Variants in ROBO2 observed in about 807,000 individuals in gnomAD.
ROBO2 encodes the protein roundabout guidance receptor 2.
Under a neutral mutation model 160.8 loss-of-function variants are expected in ROBO2, and 53 were observed. The ratio of observed to expected loss-of-function variants is 0.33; its 90% confidence interval spans 0.26 to 0.41. The LOEUF is 0.41. ROBO2 is among the 10% of genes least tolerant of loss of function. The pLI, the probability that ROBO2 is intolerant of heterozygous loss-of-function variation, is 1.00. For missense variants in ROBO2, 1,577 were observed against 1,722.4 expected, an observed-to-expected ratio of 0.92 and a Z score of 1.49; for synonymous variants, 664 against 611.7, an observed-to-expected ratio of 1.09 and a Z score of -1.26.
intron 5 of ROBO2, among the ~76,000 whole-genome samples, chr3:77,519,199 TAATTA>T (rs1301330115): frequency 6.6e-6 from 1 of 151,418 alleles, no homozygotes; most frequent in Non-Finnish European, 1.5e-5. Flanking sequence ...AACGTACCAT[TAATTA>T]AAAAACAAAC....
chr3:76,114,550 G>T (rs1020607564), intron 2 of ROBO2, among the ~76,000 whole-genome samples: 5 of 151,790 alleles, frequency 3.3e-5, no homozygotes, highest in Non-Finnish European at 7.4e-5. Flanking sequence ...TTTACAGAAG[G>T]CCCTGATATA....
At chr3:75,952,744 A>G (rs746592551) in intron 2 of ROBO2, among the ~76,000 whole-genome samples, 9 of 151,982 alleles carry the variant, frequency 5.9e-5, no homozygotes, top group East Asian at 1.9e-4. Flanking sequence ...AGTGTCATAC[A>G]GAATAGTGGA....
At chr3:76,713,806 A>G (rs1329458824) in intron 2 of ROBO2, among the ~76,000 whole-genome samples, 1 of 152,148 alleles carries the variant, frequency 6.6e-6, no homozygotes, top group African/African-American at 2.4e-5. Flanking sequence ...GTTCTCAGTC[A>G]TAACTATGAA....
intron 2 of ROBO2, among the ~76,000 whole-genome samples, chr3:76,609,184 G>T (rs1037664175): frequency 6.6e-6 from 1 of 152,086 alleles, no homozygotes; most frequent in African/African-American, 2.4e-5. Context: ...GTGTGGAGTT[G>T]TTTCTGGGTT....
intron 2 of ROBO2, among the ~76,000 whole-genome samples, chr3:76,644,494 A>G (rs2090871280): frequency 1.3e-5 from 2 of 152,044 alleles, no homozygotes; most frequent in African/African-American, 2.4e-5. Flanking sequence ...CTTGCCCTCC[A>G]TATATTATAA....
At chr3:77,292,987 G>C (rs1560456835) in intron 2 of ROBO2, among the ~76,000 whole-genome samples, 3 of 151,072 alleles carry the variant, frequency 2.0e-5, no homozygotes, top group Non-Finnish European at 1.5e-5. Context: ...AAGTAAAATT[G>C]ACGGTTAAAC....
At chr3:77,637,788 A>G (rs1330223991) in intron 24 of ROBO2, among the ~76,000 whole-genome samples, 1 of 152,248 alleles carries the variant, frequency 6.6e-6, no homozygotes, top group East Asian at 1.9e-4. Flanking sequence ...GATATAAAAT[A>G]TAAATCAACA....
At chr3:76,440,905 G>T (rs987328252) in intron 2 of ROBO2, among the ~76,000 whole-genome samples, 3 of 152,044 alleles carry the variant, frequency 2.0e-5, no homozygotes, top group African/African-American at 7.2e-5. Flanking sequence ...GTGGCATGTG[G>T]CATGTGGCAA....
chr3:77,113,870 T>A (rs1293018607), intron 2 of ROBO2, among the ~76,000 whole-genome samples: 1 of 152,184 alleles, frequency 6.6e-6, no homozygotes, highest in African/African-American at 2.4e-5. Context: ...TTTAGATGAA[T>A]CAGGTCATGA....
intron 7 of ROBO2, 144 bp downstream of exon 8, chr3:77,546,606 G>A: frequency 9.4e-7 from 1 of 1,058,636 alleles, no homozygotes; most frequent in Non-Finnish European, 1.4e-6. Flanking sequence ...GTAAAAATAA[G>A]TAGGAGTCAG....
In ROBO2 at chr3:76,882,903, T is replaced by C. The variant is rs561944816; in HGVS notation, c.110-215111T>C. ...GTGAATAACTCTTAAACATGACATT[T>C]CAAATGGTTTTGGATTCAGTCTCCA... On this transcript the variant is annotated intron_variant, in intron 2 of 26. Transcript: ENST00000487694. Among the ~76,000 whole-genome samples, 24 of 152,340 alleles carry C rather than the reference T, an allele frequency of 1.6e-4. 1 individual carries two copies. The highest frequency in any genetic ancestry group is 1.0e-3 in the South Asian group (5 of 4,832).
chr3:76,763,189 T>C (rs912219927), intron 2 of ROBO2, among the ~76,000 whole-genome samples: 17 of 4,224 alleles, frequency 4.0e-3, no homozygotes, highest in African/African-American at 0.014. Context: ...GGTTTTGTCA[T>C]ATACCTGTTG....
chr3:76,752,171 T>C (rs1305690278), intron 2 of ROBO2, among the ~76,000 whole-genome samples: 1 of 151,150 alleles, frequency 6.6e-6, no homozygotes, highest in Non-Finnish European at 1.5e-5. Flanking sequence ...AAACCATCAT[T>C]CTGAACTATC....
chr3:77,109,815 T>G (rs946081612), intron 2 of ROBO2, among the ~76,000 whole-genome samples: 22 of 152,194 alleles, frequency 1.4e-4, no homozygotes, highest in African/African-American at 5.1e-4. Flanking sequence ...ATGCTAAGCA[T>G]CCTCACTGAT....
chr3:76,217,694 C>T (rs530718980), intron 2 of ROBO2, among the ~76,000 whole-genome samples: 1 of 152,056 alleles, frequency 6.6e-6, no homozygotes, highest in Non-Finnish European at 1.5e-5. Context: ...CAAAAAAATC[C>T]AGGACCAGAT....
chr3:77,570,147 A>G (rs915489037), intron 13 of ROBO2, among the ~76,000 whole-genome samples: 7 of 152,022 alleles, frequency 4.6e-5, no homozygotes, highest in Non-Finnish European at 8.8e-5. Flanking sequence ...CTCAATTGAA[A>G]AAAGTCTCTG....
chr3:76,363,360 C>T (rs2075633716), intron 2 of ROBO2, among the ~76,000 whole-genome samples: 1 of 151,884 alleles, frequency 6.6e-6, no homozygotes, highest in Admixed American at 6.6e-5. Context: ...AATGAATTGG[C>T]CTCATATATC....
chr3:76,081,155 A>G (rs1404892085), intron 2 of ROBO2, among the ~76,000 whole-genome samples: 1 of 151,702 alleles, frequency 6.6e-6, no homozygotes, highest in African/African-American at 2.4e-5. Context: ...ACAAAATTTT[A>G]TGTATATATA....
At chr3:77,295,767 CAT>C (rs988807495) in intron 2 of ROBO2, among the ~76,000 whole-genome samples, 1 of 145,482 alleles carries the variant, frequency 6.9e-6, no homozygotes, top group African/African-American at 2.6e-5. Context: ...TCACCCCAGA[CAT>C]AAAGTAAAAT....
Sources: allele counts gnomAD v4.1 joint callset (sites outside exome capture counted in the v4.1 genomes callset), GRCh38; gene constraint gnomAD v4.1.1; transcripts MANE v1.5; gene names NCBI Gene and HGNC (gene_info 2026-07-23, HGNC 2026-07-21).